The following CNNM2 variants were observed in gnomAD, a reference collection of about 807,000 sequenced individuals.
The protein encoded by CNNM2 is metal transporter CNNM2.
Under a neutral mutation model 66.9 loss-of-function variants are expected in CNNM2, and 12 were observed. That is an observed-to-expected ratio of 0.18 (90% CI 0.11 to 0.29). The LOEUF (loss-of-function observed/expected upper bound fraction) is 0.29. Ranked by LOEUF, CNNM2 falls within the 10% of genes least tolerant of loss-of-function variation. CNNM2 has a pLI of 1.00. For missense variants in CNNM2, 705 were observed against 1,167.7 expected, an observed-to-expected ratio of 0.60 and a Z score of 5.77; for synonymous variants, 557 against 501.8, an observed-to-expected ratio of 1.11 and a Z score of -1.47.
At chr10:103,037,955 T>C (rs1462444294) in intron 1 of CNNM2, among the ~76,000 whole-genome samples, 1 of 152,118 alleles carries the variant, frequency 6.6e-6, no homozygotes, top group Non-Finnish European at 1.5e-5. Flanking sequence ...TTCTCCTGCC[T>C]CATCCTCCCA....
At chr10:102,930,402 A>G (rs994896999) in intron 1 of CNNM2, among the ~76,000 whole-genome samples, 2 of 152,214 alleles carry the variant, frequency 1.3e-5, no homozygotes, top group Non-Finnish European at 2.9e-5. Context: ...TACATGATAT[A>G]CCTGGAAAAA....
chr10:103,002,495 TTGAGACAGAGTTTCGC>T (rs2134257557), intron 1 of CNNM2, among the ~76,000 whole-genome samples: 1 of 151,876 alleles, frequency 6.6e-6, no homozygotes, highest in African/African-American at 2.4e-5. Flanking sequence ...TTTTTTTTTT[TTGAGACAGAGTTTCGC>T]TTTTGTCGCC....
intron 1 of CNNM2, among the ~76,000 whole-genome samples, chr10:102,947,912 G>C (rs1288461963): frequency 1.3e-5 from 2 of 152,100 alleles, no homozygotes; most frequent in Non-Finnish European, 2.9e-5. Flanking sequence ...AATTAGCCGG[G>C]CGTGGTGGCA....
chr10:102,922,291 A>C (rs929531609), intron 1 of CNNM2, among the ~76,000 whole-genome samples: 1 of 151,888 alleles, frequency 6.6e-6, no homozygotes, highest in East Asian at 1.9e-4. Context: ...TACTTAAACT[A>C]TGGGAATAAT....
chr10:102,998,644 C>A (rs898864988), intron 1 of CNNM2, among the ~76,000 whole-genome samples: 2 of 152,022 alleles, frequency 1.3e-5, no homozygotes, highest in African/African-American at 4.8e-5. Flanking sequence ...ACAGGTGACA[C>A]GATCTTCTAT....
Position 103,087,807 on chromosome 10 carries a change from AAT to A in CNNM2, c.*10633_*10634del, listed in dbSNP as rs910446337. On this transcript the variant is annotated 3_prime_UTR_variant, in exon 8 of 8. Transcript: ENST00000369878. ...TTCTTTTAAAGGGGCATATATTCCC[AAT>A]ATATACCATTTAGAATGTATGTATG... The A allele has an allele frequency of 6.6e-6, 1 of 152,222 alleles. No homozygotes were observed. The highest frequency in any genetic ancestry group is 2.4e-5 in the African/African-American group (1 of 41,446). 9.4% of individuals were successfully genotyped at this position (152,222 alleles called of 1,614,324 possible). A position where few individuals can be genotyped will look rare whatever the true frequency, so the allele number is the denominator to read the frequency against.
chr10:103,033,697 G>A (rs1007254449), intron 1 of CNNM2, among the ~76,000 whole-genome samples: 4 of 152,052 alleles, frequency 2.6e-5, no homozygotes, highest in African/African-American at 9.7e-5. Flanking sequence ...ATGTTGGCCA[G>A]GCTGGTCTCG....
At chr10:103,003,680 C>T (rs1190765502) in intron 1 of CNNM2, among the ~76,000 whole-genome samples, 5 of 151,828 alleles carry the variant, frequency 3.3e-5, no homozygotes, top group East Asian at 2.0e-4. Context: ...AAAAATTAGC[C>T]GGAAATCACT....
In CNNM2 at chr10:102,919,944, C is replaced by G; in HGVS notation, c.1464C>G (p.Arg488=). Residue 488 remains arginine (R), a synonymous_variant, in exon 1 of 8, where the codon CGC becomes CGG. Transcript: ENST00000369878. ...GCATTCCAGTGTTTGAAGGGGAGCG[C>G]TCCAATATCGTGGACCTGCTGTTTG... ...YTRIPVFEGE[R]SNIVDLLFVK... is the part of the protein sequence containing the mutation. 5 of 1,614,236 alleles carry G rather than the reference C, an allele frequency of 3.1e-6. No homozygotes were observed. The highest frequency in any genetic ancestry group is 4.2e-6 in the Non-Finnish European group (5 of 1,180,042).
rs10624810 is a variant in CNNM2 at position 102,925,296 on chromosome 10, C to CAA, written c.1621+5224_1621+5225dup. Among the ~76,000 whole-genome samples, 1,286 of 17,716 alleles carry CAA rather than the reference C, an allele frequency of 0.073. 271 individuals are homozygous for CAA. Among genetic ancestry groups the CAA allele is most frequent in the Non-Finnish European group, 0.091 (873 of 9,544 alleles). The allele number at this position is 17,716 out of a possible 152,430, so 11.6% of individuals were successfully genotyped here. A position where few individuals can be genotyped will look rare whatever the true frequency, so the allele number is the denominator to read the frequency against. On this transcript the variant is annotated intron_variant, in intron 1 of 7. Transcript: ENST00000369878. ...GGGCAACAAGAGCGAAACTCCATCT[C>CAA]AAAAAAAAAAAAAAAAAAAAAAAAA... is the stretch of plus-strand genomic sequence containing the variant.
intron 1 of CNNM2, among the ~76,000 whole-genome samples, chr10:102,980,652 A>G (rs2063705841): frequency 6.6e-6 from 1 of 152,112 alleles, no homozygotes; most frequent in Admixed American, 6.6e-5. Context: ...CACACCACAC[A>G]TTCATACTTT....
intron 1 of CNNM2, among the ~76,000 whole-genome samples, chr10:102,996,443 G>A (rs550317560): frequency 3.9e-5 from 6 of 152,240 alleles, no homozygotes; most frequent in South Asian, 2.1e-4. Context: ...AACAGCTCAC[G>A]CCTGTAATCC....
intron 1 of CNNM2, among the ~76,000 whole-genome samples, chr10:102,952,633 A>G (rs1170405848): frequency 2.0e-5 from 3 of 151,940 alleles, no homozygotes; most frequent in Non-Finnish European, 4.4e-5. Flanking sequence ...AAAAAAAAAA[A>G]AAAAAAGTTA....
chr10:103,039,800 G>T (rs2065007452), intron 1 of CNNM2, among the ~76,000 whole-genome samples: 1 of 152,100 alleles, frequency 6.6e-6, no homozygotes, highest in Non-Finnish European at 1.5e-5. Context: ...CATCAAGCTA[G>T]GTGTTCTGGG....
At chr10:103,001,238 T>C (rs2064116785) in intron 1 of CNNM2, among the ~76,000 whole-genome samples, 1 of 151,980 alleles carries the variant, frequency 6.6e-6, no homozygotes, top group Non-Finnish European at 1.5e-5. Context: ...TTAAAAGAGG[T>C]GTGGAGATGG....
intron 1 of CNNM2, among the ~76,000 whole-genome samples, chr10:102,965,770 TAAAAG>T (rs1422295516): frequency 6.6e-6 from 1 of 152,164 alleles, no homozygotes; most frequent in Non-Finnish European, 1.5e-5. Flanking sequence ...TCTCTGAAAA[TAAAAG>T]CAGATAATTT....
At chr10:102,939,553 A>T (rs1004849183) in intron 1 of CNNM2, among the ~76,000 whole-genome samples, 1 of 151,612 alleles carries the variant, frequency 6.6e-6, no homozygotes, top group African/African-American at 2.4e-5. Flanking sequence ...TAGGTTCTTG[A>T]TTTTCCCTTC....
chr10:103,087,937 A>T lies in CNNM2; in HGVS notation c.*10757A>T, dbSNP rs1443384292. 6.6e-6 allele frequency: 1 copy of T among 152,220 alleles called. No homozygotes were observed. Among genetic ancestry groups the T allele is most frequent in the Non-Finnish European group, 1.5e-5 (1 of 68,040 alleles). 9.4% of individuals were successfully genotyped at this position (152,220 alleles called of 1,614,324 possible). On this transcript the variant is annotated 3_prime_UTR_variant, in exon 8 of 8. Transcript: ENST00000369878. The stretch of plus-strand genomic sequence containing the variant: ...GGCTGTGTTCTCTGCTTATAAAATA[A>T]TTTTTTAAAAAGCCTCACTTCACAG...
intron 1 of CNNM2, among the ~76,000 whole-genome samples, chr10:102,942,200 T>G (rs779216220): frequency 6.6e-6 from 1 of 152,228 alleles, no homozygotes; most frequent in African/African-American, 2.4e-5. Flanking sequence ...AAAATTACCA[T>G]TTTAACCATC....
Sources: gnomAD v4.1 joint callset for allele counts (sites outside exome capture counted in the v4.1 genomes callset) on GRCh38, gnomAD v4.1.1 for gene constraint, MANE v1.5 for transcripts, NCBI Gene and HGNC (gene_info 2026-07-23, HGNC 2026-07-21) for gene names.